Variants in ALK observed in about 807,000 individuals in gnomAD.
ALK encodes the protein ALK tyrosine kinase receptor.
Under a neutral mutation model 163.1 loss-of-function variants are expected in ALK, and 74 were observed. The observed-to-expected ratio is 0.45, with a 90% CI of 0.38 to 0.55. ALK has a LOEUF of 0.55. Among genes scored for constraint, ALK ranks in the 20% least tolerant of loss-of-function variants. ALK has a pLI of 0.00. For missense variants in ALK, 2,063 were observed against 2,105.3 expected, an observed-to-expected ratio of 0.98 and a Z score of 0.39; for synonymous variants, 960 against 843.2, an observed-to-expected ratio of 1.14 and a Z score of -2.40.
At chr2:29,753,987 G>T (rs1012632064) in intron 1 of ALK, among the ~76,000 whole-genome samples, 5 of 152,106 alleles carry the variant, frequency 3.3e-5, no homozygotes, top group Admixed American at 6.5e-5. Flanking sequence ...AAGCAGATTT[G>T]CTCCCTCTCC....
intron 1 of ALK, among the ~76,000 whole-genome samples, chr2:29,860,807 A>G (rs2148406595): frequency 6.6e-6 from 1 of 152,326 alleles, no homozygotes; most frequent in South Asian, 2.1e-4. Flanking sequence ...GGGAAATTTA[A>G]AAATATCTTG....
chr2:29,582,737 G>C (rs955715132), intron 3 of ALK, among the ~76,000 whole-genome samples: 1 of 152,162 alleles, frequency 6.6e-6, no homozygotes, highest in Non-Finnish European at 1.5e-5. Context: ...GAGAGACAGA[G>C]AGAGTATAAA....
chr2:29,840,667 C>T (rs1259407879), intron 1 of ALK, among the ~76,000 whole-genome samples: 3 of 152,080 alleles, frequency 2.0e-5, no homozygotes, highest in African/African-American at 4.8e-5. Context: ...ATCTTGAATT[C>T]GGGAAAGAAA....
intron 1 of ALK, among the ~76,000 whole-genome samples, chr2:29,748,137 C>A (rs888084634): frequency 3.9e-5 from 6 of 152,180 alleles, no homozygotes; most frequent in Non-Finnish European, 7.3e-5. Context: ...AACAAGAGAT[C>A]CACATGGTGC....
chr2:29,439,356 T>C (rs1010188193), intron 4 of ALK, among the ~76,000 whole-genome samples: 2 of 152,088 alleles, frequency 1.3e-5, no homozygotes, highest in Non-Finnish European at 2.9e-5. Flanking sequence ...TACTTGACTA[T>C]TAAAACCAAA....
At chr2:29,361,288 T>G (rs1249988063) in intron 5 of ALK, among the ~76,000 whole-genome samples, 1 of 152,234 alleles carries the variant, frequency 6.6e-6, no homozygotes, top group Non-Finnish European at 1.5e-5. Flanking sequence ...AACAGCCGTT[T>G]GGGTAATTAC....
chr2:29,739,358 G>A (rs889821923), intron 1 of ALK, among the ~76,000 whole-genome samples: 1 of 148,926 alleles, frequency 6.7e-6, no homozygotes, highest in South Asian at 2.1e-4. Context: ...AAGAAATTGA[G>A]ACCATCCTGG....
Position 29,674,368 on chromosome 2 carries a change from G to A in ALK, c.952+20482C>T, listed in dbSNP as rs371183990. On this transcript the variant is annotated intron_variant, in intron 3 of 28. Transcript: ENST00000389048. ...CGTCCCATCAATACCTAATTTATTG[G>A]GAGTTTTTAGCATGAAGGGTTGTTG... Among the ~76,000 whole-genome samples the A allele has an allele frequency of 4.6e-5, 7 of 151,766 alleles. No homozygotes were observed. In the South Asian group the frequency reaches 8.4e-4, roughly 18 times the overall value.
chr2:29,203,741 C>T (rs1403338415), intron 26 of ALK, among the ~76,000 whole-genome samples: 3 of 151,822 alleles, frequency 2.0e-5, no homozygotes, highest in Non-Finnish European at 4.4e-5. Context: ...GCCTCGGTCT[C>T]CCAAAGTGCT....
At chr2:29,425,545 A>ATG (rs973657936) in intron 4 of ALK, among the ~76,000 whole-genome samples, 6 of 152,232 alleles carry the variant, frequency 3.9e-5, no homozygotes, top group African/African-American at 1.4e-4. Context: ...ACCACAGCTC[A>ATG]TGTGTAGGAT....
At chr2:29,785,196 C>T (rs117788613) in intron 1 of ALK, among the ~76,000 whole-genome samples, 2 of 152,130 alleles carry the variant, frequency 1.3e-5, no homozygotes, top group East Asian at 3.9e-4. Flanking sequence ...TCCTGGTGCA[C>T]GTAAGCTCAT....
intron 11 of ALK, among the ~76,000 whole-genome samples, chr2:29,265,917 G>A (rs1317680935): frequency 6.6e-6 from 1 of 152,148 alleles, no homozygotes; most frequent in Non-Finnish European, 1.5e-5. Context: ...CCCAGGAGGT[G>A]GAGGTTGCAG....
In ALK at chr2:29,919,377, T is replaced by A. The variant is rs1036108864; in HGVS notation, c.667+616A>T. 1.9e-3 allele frequency among the ~76,000 whole-genome samples: 251 copies of A among 134,628 alleles called. 3 individuals carry two copies. Among genetic ancestry groups the A allele is most frequent in the Non-Finnish European group, 2.3e-4 (15 of 65,822 alleles). 88.3% of individuals were successfully genotyped at this position (134,628 alleles called of 152,430 possible). Reference sequence around the variant, plus strand: ...CTGTTCCTTAGTTTCTCTGGGGCTTTCCCAACAACATGTAAGAGAAAGGAT... The same window carrying A: ...CTGTTCCTTAGTTTCTCTGGGGCTTACCCAACAACATGTAAGAGAAAGGAT... On this transcript the variant is annotated intron_variant, in intron 1 of 28. Transcript: ENST00000389048.
intron 6 of ALK, among the ~76,000 whole-genome samples, chr2:29,324,170 C>T (rs764172603): frequency 3.3e-5 from 5 of 152,158 alleles, no homozygotes; most frequent in African/African-American, 4.8e-5. Flanking sequence ...ATCAATCCTG[C>T]AACATTTGGC....
intron 3 of ALK, among the ~76,000 whole-genome samples, chr2:29,649,849 G>A (rs971404429): frequency 6.6e-6 from 1 of 152,028 alleles, no homozygotes; most frequent in Non-Finnish European, 1.5e-5. Context: ...GCCCCCCATG[G>A]CCTGCTTTCC....
chr2:29,342,092 C>T (rs966062985), intron 5 of ALK, among the ~76,000 whole-genome samples: 3 of 151,538 alleles, frequency 2.0e-5, no homozygotes, highest in African/African-American at 4.9e-5. Context: ...TGAATATGAC[C>T]GAAATATACA....
chr2:29,650,804 C>G (rs753165395), intron 3 of ALK, among the ~76,000 whole-genome samples: 1 of 152,066 alleles, frequency 6.6e-6, no homozygotes, highest in Non-Finnish European at 1.5e-5. Flanking sequence ...AAAGTGTGTG[C>G]CCCCTCCCCT....
At position 29,233,640 on chromosome 2, in the gene ALK, T is replaced by C. The variant is rs2148184563; in HGVS notation, c.2412A>G (p.Glu804=). 1 of 1,614,244 alleles carries C rather than the reference T, an allele frequency of 6.2e-7. No homozygotes were observed. The highest frequency in any genetic ancestry group is 1.6e-4 in the Middle Eastern group (1 of 6,062). Residue 804 remains glutamate, a synonymous_variant, in exon 14 of 29, where the codon GAA becomes GAG. Transcript: ENST00000389048. The stretch of plus-strand genomic sequence containing the variant: ...CATGCACGCTTCTGTTCACACGGAT[T>C]TCTTCTTCTATCACATTGTTCTCTC... ...CIGENNVIEE[E]IRVNRSVHEW...
At chr2:29,828,950 T>G (rs911967687) in intron 1 of ALK, among the ~76,000 whole-genome samples, 3 of 151,458 alleles carry the variant, frequency 2.0e-5, no homozygotes, top group African/African-American at 7.3e-5. Context: ...ATTAAGAAAA[T>G]GTGGCACATA....
Sources: gnomAD v4.1 joint callset for allele counts (sites outside exome capture counted in the v4.1 genomes callset) on GRCh38, gnomAD v4.1.1 for gene constraint, MANE v1.5 for transcripts, NCBI Gene and HGNC (gene_info 2026-07-23, HGNC 2026-07-21) for gene names.